The following ZNF609 variants were observed in gnomAD, a reference collection of about 807,000 sequenced individuals.
ZNF609 encodes the protein zinc finger protein 609.
Under a neutral mutation model 109.5 loss-of-function variants are expected in ZNF609, and 11 were observed. The ratio of observed to expected loss-of-function variants is 0.10; its 90% CI spans 0.06 to 0.17. The LOEUF (loss-of-function observed/expected upper bound fraction) is 0.17, where lower values mean the gene tolerates loss of function less well. Among genes scored for constraint, ZNF609 ranks in the 10% least tolerant of loss-of-function variants. The pLI is 1.00. For missense variants in ZNF609, 1,559 were observed against 1,772.4 expected, an observed-to-expected ratio of 0.88 and a Z score of 2.16; for synonymous variants, 646 against 662.0, an observed-to-expected ratio of 0.98 and a Z score of 0.37.
chr15:64,468,117 AG>A (rs900580028), intron 1 of ZNF609, among the ~76,000 whole-genome samples: 6 of 151,762 alleles, frequency 4.0e-5, no homozygotes, highest in Non-Finnish European at 7.4e-5. Flanking sequence ...CCTGAGCTCA[AG>A]CAATTCTCCT....
chr15:64,638,008 A>ATG (rs1348823194), intron 3 of ZNF609, among the ~76,000 whole-genome samples: 1 of 140,130 alleles, frequency 7.1e-6, no homozygotes, highest in Non-Finnish European at 1.5e-5. Flanking sequence ...ATATATATAT[A>ATG]TATATATAAA....
intron 2 of ZNF609, among the ~76,000 whole-genome samples, chr15:64,525,988 C>A (rs890234898): frequency 6.6e-6 from 1 of 151,974 alleles, no homozygotes; most frequent in Non-Finnish European, 1.5e-5. Context: ...TCGGGTTTCA[C>A]CATGTTGGCC....
rs112060315 is a variant in ZNF609, at chr15:64,681,010, C to T, written c.4162+148C>T. 2.0e-4 allele frequency: 179 copies of T among 883,074 alleles called. 2 individuals are homozygous for T. In the African/African-American group the frequency reaches 2.5e-3, roughly 12 times the overall value. 54.7% of individuals were successfully genotyped at this position (883,074 alleles called of 1,614,324 possible). A position where few individuals can be genotyped will look rare whatever the true frequency, so the allele number is the denominator to read the frequency against. On this transcript the variant is annotated intron_variant, in intron 8 of 9. Coordinates refer to ENST00000326648, the MANE Select transcript of ZNF609 (RefSeq NM_015042.2). Reference sequence around the variant, plus strand: ...TTTTTTTTTGAGCTTCTAATCTGTGCACAGTCCTAACCTCCTGCAGTCATT... The same window carrying T: ...TTTTTTTTTGAGCTTCTAATCTGTGTACAGTCCTAACCTCCTGCAGTCATT...
chr15:64,571,884 C>T (rs1387252483), intron 2 of ZNF609, among the ~76,000 whole-genome samples: 1 of 152,124 alleles, frequency 6.6e-6, no homozygotes, highest in East Asian at 1.9e-4. Context: ...GTTGGTCAGG[C>T]TGGTCTCAAA....
intron 1 of ZNF609, among the ~76,000 whole-genome samples, chr15:64,465,976 C>T (rs1893007979): frequency 6.6e-6 from 1 of 151,700 alleles, no homozygotes; most frequent in African/African-American, 2.4e-5. Context: ...ATTAGCCAGG[C>T]TTGGTGGTGC....
At position 64,684,916 on chromosome 15, in the gene ZNF609, TG is replaced by T. The variant is rs111427628; in HGVS notation, c.*3233del. 0.017 allele frequency: 2,577 copies of T among 152,730 alleles called. 88 individuals are homozygous for T. The highest frequency in any genetic ancestry group is 0.058 in the African/African-American group (2,406 of 41,558). The allele number at this position is 152,730 out of a possible 1,614,324, so 9.5% of individuals were successfully genotyped here. On this transcript the variant is annotated 3_prime_UTR_variant, in exon 10 of 10. Coordinates refer to ENST00000326648, the MANE Select transcript of ZNF609 (RefSeq NM_015042.2). The stretch of plus-strand genomic sequence containing the variant: ...GAAGCTTTCCAGTGATCTCCTACCA[TG>T]GGCCCCCCTCCTGGGATCAAGCCCC...
At chr15:64,533,320 G>A (rs1894089547) in intron 2 of ZNF609, among the ~76,000 whole-genome samples, 1 of 152,146 alleles carries the variant, frequency 6.6e-6, no homozygotes, top group African/African-American at 2.4e-5. Context: ...CCAAAGTACT[G>A]GGATTACAGG....
At position 64,628,486 on chromosome 15, in the gene ZNF609, G is replaced by A. The variant is rs768092814; in HGVS notation, c.973+5434G>A. Among the ~76,000 whole-genome samples, 16 of 151,938 alleles carry A rather than the reference G, an allele frequency of 1.1e-4. 1 individual carries two copies. The highest frequency in any genetic ancestry group is 3.4e-3 in the Middle Eastern group (1 of 294). The stretch of plus-strand genomic sequence containing the variant: ...AGCCTGGCCAATATGGTGAAACCCC[G>A]TCTCTACTACAAAAATTAGCCAGGT... On this transcript the variant is annotated intron_variant, in intron 3 of 9. Coordinates refer to ENST00000326648, the MANE Select transcript of ZNF609 (RefSeq NM_015042.2).
At chr15:64,679,239 A>G (rs1896847092) in intron 6 of ZNF609, among the ~76,000 whole-genome samples, 2 of 152,040 alleles carry the variant, frequency 1.3e-5, no homozygotes, top group African/African-American at 4.8e-5. Context: ...CTCCTGGCTA[A>G]TTTTGTATTT....
At chr15:64,550,220 G>T (rs565930728) in intron 2 of ZNF609, among the ~76,000 whole-genome samples, 1 of 152,214 alleles carries the variant, frequency 6.6e-6, no homozygotes, top group African/African-American at 2.4e-5. Context: ...CTCCCAAAGT[G>T]CTGGGATTAC....
At chr15:64,478,162 G>GTGTT (rs1296963469) in intron 1 of ZNF609, among the ~76,000 whole-genome samples, 1 of 124,936 alleles carries the variant, frequency 8.0e-6, no homozygotes, top group Non-Finnish European at 1.6e-5. Context: ...AAAGGTGTGT[G>GTGTT]TGTGTGTGTG....
intron 1 of ZNF609, among the ~76,000 whole-genome samples, chr15:64,478,281 G>A (rs1184345861): frequency 2.0e-5 from 3 of 151,260 alleles, no homozygotes; most frequent in Admixed American, 1.3e-4. Context: ...GTGTGCCATG[G>A]CCTCAAACTC....
chr15:64,563,851 G>C (rs957077209), intron 2 of ZNF609, among the ~76,000 whole-genome samples: 1 of 152,082 alleles, frequency 6.6e-6, no homozygotes, highest in African/African-American at 2.4e-5. Context: ...CTCCCAAAGT[G>C]GTGGGATTAC....
intron 2 of ZNF609, among the ~76,000 whole-genome samples, chr15:64,534,071 GCACAACCTCAGCTCAC>G (rs1236351259): frequency 2.6e-5 from 4 of 151,406 alleles, no homozygotes; most frequent in Non-Finnish European, 5.9e-5. Flanking sequence ...GAGTGCAATG[GCACAACCTCAGCTCAC>G]CGCAACCTCT....
intron 3 of ZNF609, among the ~76,000 whole-genome samples, chr15:64,653,211 C>A (rs556220003): frequency 3.9e-5 from 6 of 152,052 alleles, no homozygotes; most frequent in Admixed American, 2.6e-4. Flanking sequence ...TTTAAAGAAC[C>A]CTTTATTTCC....
In ZNF609 at chr15:64,683,069, T is replaced by C. The variant is rs2083220012; in HGVS notation, c.*1383T>C. ...CCCAATGGAAGCTTTATACTCTTTG[T>C]ACTGGGAAAGTGAGGATGATTTGGT... On this transcript the variant is annotated 3_prime_UTR_variant, in exon 10 of 10. Transcript: ENST00000326648. 6.6e-6 allele frequency: 1 copy of C among 152,656 alleles called. No individual in the cohort carries two copies. The highest frequency in any genetic ancestry group is 6.5e-5 in the Admixed American group (1 of 15,278). The allele number at this position is 152,656 out of a possible 1,614,324, so 9.5% of individuals were successfully genotyped here. A position where few individuals can be genotyped will look rare whatever the true frequency, so the allele number is the denominator to read the frequency against.
Position 64,683,928 on chromosome 15 carries a change from T to C in ZNF609, c.*2242T>C, listed in dbSNP as rs960201855. The C allele has an allele frequency of 3.3e-5, 5 of 152,350 alleles. No individual in the cohort carries two copies. The highest frequency in any genetic ancestry group is 7.2e-5 in the African/African-American group (3 of 41,586). The allele number at this position is 152,350 out of a possible 1,614,324, so 9.4% of individuals were successfully genotyped here. On this transcript the variant is annotated 3_prime_UTR_variant, in exon 10 of 10. Transcript: ENST00000326648. ...GTAACACAGAGGACGAACTTCTGTA[T>C]TAGCTGGGCAGCCTTGGGTTCTCCA...
intron 2 of ZNF609, among the ~76,000 whole-genome samples, chr15:64,505,492 A>T (rs753608552): frequency 1.3e-5 from 2 of 152,200 alleles, no homozygotes; most frequent in Non-Finnish European, 2.9e-5. Context: ...TGCATTTTAG[A>T]TACTAGGTTT....
intron 2 of ZNF609, among the ~76,000 whole-genome samples, chr15:64,586,619 A>G (rs1384559024): frequency 6.6e-6 from 1 of 152,142 alleles, no homozygotes; most frequent in African/African-American, 2.4e-5. Context: ...GAGGTGGAAC[A>G]GTTATAGCCC....
Sources: gnomAD v4.1 joint callset for allele counts (sites outside exome capture counted in the v4.1 genomes callset) on GRCh38, gnomAD v4.1.1 for gene constraint, MANE v1.5 for transcripts, NCBI Gene and HGNC (gene_info 2026-07-23, HGNC 2026-07-21) for gene names.